Variants in CAND2 observed in about 807,000 individuals in gnomAD.
The protein encoded by CAND2 is cullin associated and neddylation dissociated 2 (putative), also known as cullin-associated NEDD8-dissociated protein 2.
Under a neutral mutation model 98.9 loss-of-function variants are expected in CAND2, and 62 were observed. That is an observed-to-expected ratio of 0.63 (90% CI 0.51 to 0.77). The LOEUF (loss-of-function observed/expected upper bound fraction) is 0.77. Ranked by LOEUF, CAND2 falls within the 30% of genes least tolerant of loss-of-function variation. CAND2 has a pLI of 0.00. For missense variants in CAND2, 1,501 were observed against 1,655.2 expected (o/e 0.91, Z 1.62); for synonymous variants, 770 against 731.9 (o/e 1.05, Z -0.84).
rs2061891090 is a variant in CAND2 at position 12,815,462 on chromosome 3, C to T, written c.1299+29C>T. 6.3e-7 allele frequency: 1 copy of T among 1,579,972 alleles called. No individual in the cohort carries two copies. The highest frequency in any genetic ancestry group is 8.6e-7 in the Non-Finnish European group (1 of 1,158,156). On this transcript the variant is annotated intron_variant, in intron 8 of 14. Coordinates refer to ENST00000456430, the MANE Select transcript of CAND2 (RefSeq NM_001162499.2). The surrounding 1 kb of genome is among the most constrained non-coding windows in gnomAD (Gnocchi z 5.7). ...GGCGTGCCTTCACCTCCACCCCTAC[C>T]CCCGATTTGCCTACCCAGCCACTCA...
At chr3:12,830,050 G>A (rs565647956) in intron 13 of CAND2, among the ~76,000 whole-genome samples, 22 of 152,270 alleles carry the variant, frequency 1.4e-4, no homozygotes, top group Admixed American at 8.5e-4. Flanking sequence ...CATCCGATGC[G>A]CGTGGTGAGG....
Position 12,817,866 on chromosome 3 carries a change from G to A in CAND2, c.2934G>A (p.Gln978=), listed in dbSNP as rs374162347. 1.3e-5 allele frequency: 19 copies of A among 1,505,714 alleles called. No homozygotes were observed. Among genetic ancestry groups the A allele is most frequent in the Non-Finnish European group, 1.5e-5 (17 of 1,126,700 alleles). 93.3% of individuals were successfully genotyped at this position (1,505,714 alleles called of 1,614,324 possible). A position where few individuals can be genotyped will look rare whatever the true frequency, so the allele number is the denominator to read the frequency against. The change falls in exon 10 of 15, where the codon CAG becomes CAA. Residue 978 remains glutamine, a synonymous_variant. Coordinates refer to ENST00000456430, the MANE Select transcript of CAND2 (RefSeq NM_001162499.2). ...TCCTTCTGCCCCGCTTGCGGAAGCAGCTTGCTGCAGGTAGGCACACAGGTG... is the reference window on the plus strand; with the variant it reads ...TCCTTCTGCCCCGCTTGCGGAAGCAACTTGCTGCAGGTAGGCACACAGGTG... The part of the protein sequence containing the change: ...PSFLLPRLRK[Q]LAAGRPHTRS...
chr3:12,808,146 A>C, intron 3 of CAND2, 64 bp from the exon 4 acceptor site: 1 of 1,530,664 alleles, frequency 6.5e-7, no homozygotes, highest in South Asian at 1.2e-5. Context: ...GAGGCAGACT[A>C]GTGGTGGAGG....
At chr3:12,799,574 G>A (rs112621694) in intron 1 of CAND2, among the ~76,000 whole-genome samples, 6,211 of 152,228 alleles carry the variant, frequency 0.041, 163 homozygotes, top group East Asian at 0.098. Flanking sequence ...CTATTTGGCT[G>A]TAAGTTCTGT....
At chr3:12,820,016 C>T (rs1194514321) in intron 10 of CAND2, 70 bp from the exon 11 acceptor site, 3 of 1,236,206 alleles carry the variant, frequency 2.4e-6, no homozygotes, top group African/African-American at 1.5e-5. Flanking sequence ...GGAGCCTAAG[C>T]ACCTTCTGAT....
chr3:12,825,487 C>T lies in CAND2; in HGVS notation c.3058C>T (p.Leu1020=), dbSNP rs2061991475. 2 of 1,557,146 alleles carry T rather than the reference C, an allele frequency of 1.3e-6. No homozygotes were observed. The highest frequency in any genetic ancestry group is 1.9e-5 in the Admixed American group (1 of 51,320). ...KSFIGEFMES[L]QDPDLNVRRA... Reference sequence around the variant, plus strand: ...TCTGCCAGGAGAGTTCATGGAGAGCCTGCAGGACCCAGACCTGAACGTGCG... The same window carrying T: ...TCTGCCAGGAGAGTTCATGGAGAGCTTGCAGGACCCAGACCTGAACGTGCG... Residue 1020 remains leucine (L), a synonymous_variant, in exon 12 of 15, where the codon CTG becomes TTG. Coordinates refer to ENST00000456430, the MANE Select transcript of CAND2 (RefSeq NM_001162499.2).
intron 13 of CAND2, 111 bp downstream of exon 13, chr3:12,827,715 A>G: frequency 9.8e-7 from 1 of 1,023,848 alleles, no homozygotes. Flanking sequence ...ACCCAATGAA[A>G]ATAGCTGCAT....
At chr3:12,822,496 G>T (rs1010124386) in intron 11 of CAND2, among the ~76,000 whole-genome samples, 2 of 151,892 alleles carry the variant, frequency 1.3e-5, no homozygotes, top group African/African-American at 2.4e-5. Flanking sequence ...ACAGGGTTTT[G>T]CTATGTTACC....
Position 12,825,570 on chromosome 3 carries a change from G to C in CAND2, c.3141G>C (p.Arg1047=). The change falls in exon 12 of 15, where the codon CGG becomes CGC. Residue 1047 remains arginine (R), a synonymous_variant. Transcript: ENST00000456430. ...SAVHNKPSLV[R]DLLDDILPLL... ...TGCACAACAAGCCCTCGCTAGTCCG[G>C]GACCTGCTGGATGACATCCTGCCCC... 3 of 1,611,212 alleles carry C rather than the reference G, an allele frequency of 1.9e-6. No homozygotes were observed. Among genetic ancestry groups the C allele is most frequent in the Non-Finnish European group, 2.5e-6 (3 of 1,178,932 alleles).
At chr3:12,812,221 CTTTTT>C (rs531439250) in intron 5 of CAND2, among the ~76,000 whole-genome samples, 7 of 74,514 alleles carry the variant, frequency 9.4e-5, no homozygotes, top group African/African-American at 1.7e-4. Context: ...AGCTGTTTAT[CTTTTT>C]TTTTTTTTTT....
Position 12,817,202 on chromosome 3 carries a change from C to T in CAND2, c.2270C>T (p.Ala757Val). Reference protein sequence around the residue: ...PLLPAGVLAAAEGFLQALVGT... With the variant: ...PLLPAGVLAAVEGFLQALVGT... Reference sequence around the variant, plus strand: ...TTGCCAGCCGGGGTTCTGGCAGCTGCTGAAGGCTTCCTGCAGGCCCTGGTA... The same window carrying T: ...TTGCCAGCCGGGGTTCTGGCAGCTGTTGAAGGCTTCCTGCAGGCCCTGGTA... The change falls in exon 10 of 15, where the codon GCT becomes GTT. Residue 757 changes from alanine to valine, a missense_variant. This residue lies in a region of CAND2 where 1,427 missense variants were observed against 1,545.3 expected (regional missense o/e 0.92). Coordinates refer to ENST00000456430, the MANE Select transcript of CAND2 (RefSeq NM_001162499.2). The T allele has an allele frequency of 1.2e-6, 2 of 1,613,504 alleles. No homozygotes were observed. Among genetic ancestry groups the T allele is most frequent in the Non-Finnish European group, 1.7e-6 (2 of 1,180,022 alleles).
intron 7 of CAND2, 46 bp downstream of exon 7, chr3:12,813,434 C>G (rs779556705): frequency 6.3e-7 from 1 of 1,584,808 alleles, no homozygotes; most frequent in Non-Finnish European, 8.6e-7. Flanking sequence ...GAGGTGAACA[C>G]AGCCTTCCTG....
At chr3:12,829,457 A>G (rs1443453990) in intron 13 of CAND2, among the ~76,000 whole-genome samples, 1 of 152,220 alleles carries the variant, frequency 6.6e-6, no homozygotes, top group Admixed American at 6.5e-5. Flanking sequence ...CCATATTACA[A>G]CTTTAAAAAA....
rs2061903429 is a variant in CAND2 at position 12,816,499 on chromosome 3, C to T, written c.1567C>T (p.Leu523=). Residue 523 remains leucine, a synonymous_variant, in exon 10 of 15, where the codon CTG becomes TTG. Transcript: ENST00000456430. ...CTTCCACCCACACTTGCCTATCCTC[C>T]TGCCACCTGTGATGGCCTGTGTGGC... The part of the protein sequence containing the change: ...EAFHPHLPIL[L]PPVMACVADS... The T allele has an allele frequency of 5.0e-6, 8 of 1,613,910 alleles. No homozygotes were observed. The highest frequency in any genetic ancestry group is 1.6e-4 in the Middle Eastern group (1 of 6,084).
chr3:12,818,515 TGTC>T (rs1339612943), intron 10 of CAND2, among the ~76,000 whole-genome samples: 2 of 152,196 alleles, frequency 1.3e-5, no homozygotes, highest in Admixed American at 6.5e-5. Context: ...CGTTTTGGCT[TGTC>T]GTGTTTTGGC....
At chr3:12,830,072 G>GGA (rs2062040603) in intron 13 of CAND2, among the ~76,000 whole-genome samples, 1 of 152,182 alleles carries the variant, frequency 6.6e-6, no homozygotes, top group Admixed American at 6.5e-5. Flanking sequence ...TGCACCTCCT[G>GGA]CAGCGGGCGT....
intron 11 of CAND2, among the ~76,000 whole-genome samples, chr3:12,822,109 C>A (rs759955589): frequency 6.6e-6 from 1 of 152,110 alleles, no homozygotes; most frequent in Non-Finnish European, 1.5e-5. Context: ...TCCATAGTTA[C>A]AAGTTTGCAT....
intron 14 of CAND2, 66 bp from the exon 15 acceptor site, chr3:12,833,689 G>C: frequency 1.6e-6 from 2 of 1,280,814 alleles, no homozygotes; most frequent in African/African-American, 2.9e-5. Flanking sequence ...CCAAAGACCA[G>C]TGAGGAGGCA....
At position 12,834,713 on chromosome 3, in the gene CAND2, A is replaced by G. The variant is rs1046531304; in HGVS notation, c.*731A>G. The G allele has an allele frequency of 2.0e-5, 3 of 152,320 alleles. No homozygotes were observed. The highest frequency in any genetic ancestry group is 7.2e-5 in the African/African-American group (3 of 41,458). The allele number at this position is 152,320 out of a possible 1,614,324, so 9.4% of individuals were successfully genotyped here. On this transcript the variant is annotated 3_prime_UTR_variant, in exon 15 of 15. Transcript: ENST00000456430. Reference sequence around the variant, plus strand: ...TCTGAGGAAGGTTTCAAATGTGTCTAGTGTTCAGTATTGAGGACAAAGAAA... The same window carrying G: ...TCTGAGGAAGGTTTCAAATGTGTCTGGTGTTCAGTATTGAGGACAAAGAAA...
Sources: gnomAD v4.1 joint callset for allele counts (sites outside exome capture counted in the v4.1 genomes callset) on GRCh38, gnomAD v4.1.1 for gene constraint, gnomAD v4.1.1 regional missense constraint, Gnocchi (gnomAD v3.1) non-coding constraint, MANE v1.5 for transcripts, NCBI Gene and HGNC (gene_info 2026-07-23, HGNC 2026-07-21) for gene names.